PLPP1: variants seen among roughly 807,000 people sequenced by gnomAD.
PLPP1 encodes lipid phosphate phosphohydrolase 1a.
PLPP1 carries 24 observed loss-of-function variants against 31.2 expected under a neutral mutation model. That is an observed-to-expected ratio of 0.77 (90% confidence interval 0.56 to 1.08). PLPP1 has a LOEUF of 1.08. Among genes scored for constraint, PLPP1 ranks in the 50% least tolerant of loss-of-function variants. PLPP1 has a pLI of 0.00. For missense variants in PLPP1, 319 were observed against 342.7 expected (o/e 0.93, Z 0.55); for synonymous variants, 146 against 126.3 (o/e 1.16, Z -1.05).
intron 4 of PLPP1, among the ~76,000 whole-genome samples, chr5:55,435,665 T>C (rs1157394321): frequency 6.6e-6 from 1 of 152,170 alleles, no homozygotes; most frequent in African/African-American, 2.4e-5. Context: ...GACATGGGTT[T>C]CCAGGACACA....
At chr5:55,455,483 G>C (rs1035947885) in intron 3 of PLPP1, among the ~76,000 whole-genome samples, 4 of 152,016 alleles carry the variant, frequency 2.6e-5, no homozygotes, top group Non-Finnish European at 4.4e-5. Flanking sequence ...GCACCTATAG[G>C]TGCCAACAAG....
intron 1 of PLPP1, among the ~76,000 whole-genome samples, chr5:55,521,039 T>C (rs1753653971): frequency 1.3e-5 from 2 of 149,772 alleles, no homozygotes; most frequent in African/African-American, 5.0e-5. Context: ...GAGTGAGACC[T>C]CATCTCTACC....
chr5:55,527,697 G>A (rs2111953889), intron 1 of PLPP1, among the ~76,000 whole-genome samples: 1 of 152,212 alleles, frequency 6.6e-6, no homozygotes, highest in East Asian at 1.9e-4. Context: ...GCAAAAGATG[G>A]TGGTATAACT....
At chr5:55,524,806 G>A (rs1389647014) in intron 1 of PLPP1, among the ~76,000 whole-genome samples, 1 of 151,886 alleles carries the variant, frequency 6.6e-6, no homozygotes, top group African/African-American at 2.4e-5. Flanking sequence ...GTGAAACTAC[G>A]TCCCCCCCCA....
At position 55,466,580 on chromosome 5, in the gene PLPP1, G is replaced by A. The variant is rs1200328437; in HGVS notation, c.491+1289C>T. Among the ~76,000 whole-genome samples the A allele has an allele frequency of 3.3e-5, 5 of 152,014 alleles. No individual in the cohort carries two copies. The East Asian group carries it at 9.7e-4, about 29-fold the overall frequency. On this transcript the variant is annotated intron_variant, in intron 3 of 5. Transcript: ENST00000307259. ...TAGTAGGGCATGGTGGCACGTGCCT[G>A]TAGTCCCAGCTACTCGGGAGGCTGA...
intron 1 of PLPP1, among the ~76,000 whole-genome samples, chr5:55,500,600 A>G (rs566066486): frequency 6.6e-6 from 1 of 152,326 alleles, no homozygotes; most frequent in South Asian, 2.1e-4. Context: ...TAATAAAACA[A>G]AAGACCAAAA....
At chr5:55,434,818 AG>A in intron 4 of PLPP1, among the ~76,000 whole-genome samples, 1 of 152,306 alleles carries the variant, frequency 6.6e-6, no homozygotes, top group South Asian at 2.1e-4. Flanking sequence ...AAGAAAACAT[AG>A]GGGAAACGCT....
intron 3 of PLPP1, among the ~76,000 whole-genome samples, chr5:55,461,017 C>T (rs1271990026): frequency 1.3e-5 from 2 of 152,040 alleles, no homozygotes; most frequent in African/African-American, 4.8e-5. Context: ...AACCCTGTCT[C>T]TACAAAAAAT....
intron 2 of PLPP1, among the ~76,000 whole-genome samples, chr5:55,468,474 T>C (rs550236222): frequency 2.7e-4 from 41 of 152,196 alleles, no homozygotes; most frequent in African/African-American, 8.7e-4. Context: ...GACAGTGATA[T>C]ATCCTGGAGG....
chr5:55,532,772 G>A (rs949466336), intron 1 of PLPP1, among the ~76,000 whole-genome samples: 1 of 151,860 alleles, frequency 6.6e-6, no homozygotes, highest in Non-Finnish European at 1.5e-5. Flanking sequence ...GCCTGGCCAA[G>A]ACGGTGAAAC....
intron 1 of PLPP1, among the ~76,000 whole-genome samples, chr5:55,527,353 C>T (rs1022377033): frequency 2.0e-5 from 3 of 152,140 alleles, no homozygotes; most frequent in Admixed American, 6.5e-5. Flanking sequence ...GCATTGGTTG[C>T]AAATGTTTTT....
chr5:55,510,120 C>T (rs1753373370), intron 1 of PLPP1, among the ~76,000 whole-genome samples: 1 of 151,680 alleles, frequency 6.6e-6, no homozygotes, highest in Non-Finnish European at 1.5e-5. Context: ...TGCCAAAAAA[C>T]ATTCTGTTTA....
In PLPP1 at chr5:55,441,804, T is replaced by C. The variant is rs762569959; in HGVS notation, c.549+47A>G. ...AGGACACTGATGCTGAGCACATTAA[T>C]TCCATGCAGCACATAACCTAACCGT... On this transcript the variant is annotated intron_variant, in intron 4 of 5. Transcript: ENST00000307259. The C allele has an allele frequency of 5.7e-6, 9 of 1,566,940 alleles. No individual in the cohort carries two copies. In the South Asian group the frequency reaches 1.0e-4, roughly 17 times the overall value.
intron 1 of PLPP1, chr5:55,530,095 T>G (rs151286334): frequency 1.2e-6 from 1 of 833,592 alleles, no homozygotes; most frequent in Non-Finnish European, 2.1e-6. Flanking sequence ...GGTGACTTCA[T>G]GTAGTTTCCC....
chr5:55,452,982 T>C (rs1054814457), intron 3 of PLPP1, among the ~76,000 whole-genome samples: 2 of 152,186 alleles, frequency 1.3e-5, no homozygotes, highest in African/African-American at 4.8e-5. Context: ...GTCATACTCT[T>C]AACACCCTGC....
intron 1 of PLPP1, among the ~76,000 whole-genome samples, chr5:55,509,411 C>T (rs1297501427): frequency 6.6e-6 from 1 of 152,182 alleles, no homozygotes; most frequent in Non-Finnish European, 1.5e-5. Context: ...GAGGCACCTA[C>T]ATTCTGGTCA....
chr5:55,495,687 T>C (rs985309908), intron 1 of PLPP1, among the ~76,000 whole-genome samples: 1 of 152,082 alleles, frequency 6.6e-6, no homozygotes, highest in East Asian at 1.9e-4. Context: ...AGCATGCCTT[T>C]CTTCAAGTTA....
chr5:55,512,512 AAAAG>A (rs200128975), intron 1 of PLPP1, among the ~76,000 whole-genome samples: 1,469 of 36,596 alleles, frequency 0.04, 51 homozygotes, highest in East Asian at 0.077. Flanking sequence ...AAAAGAAAAG[AAAAG>A]AAAGAAAGAA....
intron 4 of PLPP1, among the ~76,000 whole-genome samples, chr5:55,433,659 C>T (rs1280454713): frequency 6.7e-6 from 1 of 150,040 alleles, no homozygotes; most frequent in African/African-American, 2.4e-5. Flanking sequence ...GCCACCACAC[C>T]TGGCTAATTT....
Sources: allele counts gnomAD v4.1 joint callset (sites outside exome capture counted in the v4.1 genomes callset), GRCh38; gene constraint gnomAD v4.1.1; transcripts MANE v1.5; gene names NCBI Gene and HGNC (gene_info 2026-07-23, HGNC 2026-07-21).